PTPRN2: variants seen among roughly 807,000 people sequenced by gnomAD.
PTPRN2 encodes the protein protein tyrosine phosphatase receptor type N2.
Under a neutral mutation model 118.8 loss-of-function variants are expected in PTPRN2, and 74 were observed. That is an observed-to-expected ratio of 0.62 (90% CI 0.52 to 0.76). The LOEUF is 0.76. PTPRN2 is among the 30% of genes least tolerant of loss of function. The probability of loss-of-function intolerance (pLI) is 0.00; values close to 1 mark genes in which losing one functional copy is unlikely to be tolerated. For missense variants in PTPRN2, 1,481 were observed against 1,394.4 expected (o/e 1.06, Z -0.99); for synonymous variants, 641 against 608.0 (o/e 1.05, Z -0.80).
rs1052496961 is a variant in PTPRN2 at position 157,674,848 on chromosome 7, G to T, written c.2001+7877C>A. 1.3e-5 allele frequency among the ~76,000 whole-genome samples: 2 copies of T among 152,190 alleles called. No homozygotes were observed. Among genetic ancestry groups the T allele is most frequent in the Non-Finnish European group, 2.9e-5 (2 of 68,036 alleles). ...ACGCCGAGCTCCTCCTGCCGGGGGG[G>T]TCTGCACAGTTCTGGGTGGGGGAGG... is the stretch of plus-strand genomic sequence containing the variant. On this transcript the variant is annotated intron_variant, in intron 13 of 22. Transcript: ENST00000389418. This position sits in a 1 kb window ranked among gnomAD's most constrained non-coding sequence, Gnocchi z 4.5.
intron 12 of PTPRN2, chr7:157,863,340 A>G (rs901804655): frequency 2.0e-5 from 3 of 152,226 alleles, no homozygotes; most frequent in East Asian, 1.9e-4. Context: ...GGGCTGCCCA[A>G]TGCCCCAGTG....
intron 1 of PTPRN2, among the ~76,000 whole-genome samples, chr7:158,542,442 G>A (rs563680701): frequency 7.9e-5 from 12 of 152,290 alleles, no homozygotes; most frequent in African/African-American, 2.2e-4. Context: ...CGTGAGCCAC[G>A]GTGCCTGGCC....
At chr7:157,824,518 C>T (rs1263866869) in intron 12 of PTPRN2, among the ~76,000 whole-genome samples, 2 of 152,186 alleles carry the variant, frequency 1.3e-5, no homozygotes, top group Non-Finnish European at 2.9e-5. Context: ...CTCAGGGACT[C>T]TTTGCTGACT....
chr7:158,557,122 G>T (rs1176839604), intron 1 of PTPRN2, among the ~76,000 whole-genome samples: 3 of 133,108 alleles, frequency 2.3e-5, no homozygotes, highest in African/African-American at 8.7e-5. Flanking sequence ...GGTCGCTCCC[G>T]CGCAGGGCAG....
At chr7:157,867,552 C>T (rs1810784335) in intron 12 of PTPRN2, among the ~76,000 whole-genome samples, 1 of 147,158 alleles carries the variant, frequency 6.8e-6, no homozygotes, top group African/African-American at 2.5e-5. Flanking sequence ...GGATACACGG[C>T]CACCACCCTG....
At chr7:157,865,662 T>G (rs1810609946) in intron 12 of PTPRN2, 1 of 152,236 alleles carries the variant, frequency 6.6e-6, no homozygotes, top group Non-Finnish European at 1.5e-5. Context: ...AGTGGAGAGA[T>G]GAGTTCACAC....
At chr7:158,505,899 G>T (rs892272542) in intron 1 of PTPRN2, among the ~76,000 whole-genome samples, 46 of 152,244 alleles carry the variant, frequency 3.0e-4, no homozygotes, top group African/African-American at 1.1e-3. Flanking sequence ...CCAAGTGGTG[G>T]CTGTTAACAA....
chr7:158,157,003 C>A (rs1267925103), intron 6 of PTPRN2, among the ~76,000 whole-genome samples: 1 of 151,752 alleles, frequency 6.6e-6, no homozygotes, highest in Non-Finnish European at 1.5e-5. Flanking sequence ...CAGTGGAGAG[C>A]ACCCCTGTTC....
chr7:158,316,026 T>C (rs1802291665), intron 3 of PTPRN2, among the ~76,000 whole-genome samples: 2 of 152,118 alleles, frequency 1.3e-5, no homozygotes, highest in Admixed American at 1.3e-4. Context: ...TGGCCACCCT[T>C]GAGTCCCCAG....
chr7:158,310,907 G>A (rs914941281), intron 3 of PTPRN2, among the ~76,000 whole-genome samples: 1 of 152,172 alleles, frequency 6.6e-6, no homozygotes, highest in Non-Finnish European at 1.5e-5. Context: ...TGAGCACCAC[G>A]CGTGACTCCA....
chr7:158,050,840 C>G (rs1210261397), intron 11 of PTPRN2, among the ~76,000 whole-genome samples: 2 of 152,246 alleles, frequency 1.3e-5, no homozygotes, highest in Non-Finnish European at 2.9e-5. Flanking sequence ...CAAAGAGGCA[C>G]TGAAAGCTCA....
At chr7:158,252,827 A>G (rs575474775) in intron 3 of PTPRN2, among the ~76,000 whole-genome samples, 16 of 152,042 alleles carry the variant, frequency 1.1e-4, no homozygotes, top group Non-Finnish European at 1.2e-4. Context: ...CCTCCCCAAC[A>G]TGAGCCACCC....
intron 12 of PTPRN2, among the ~76,000 whole-genome samples, chr7:157,713,781 G>A (rs1027852914): frequency 6.6e-6 from 1 of 152,164 alleles, no homozygotes; most frequent in African/African-American, 2.4e-5. Flanking sequence ...CTACGGACAC[G>A]GAGCCACAGA....
Position 158,444,271 on chromosome 7 carries a change from G to A in PTPRN2, c.163+45464C>T, listed in dbSNP as rs116686211. Among the ~76,000 whole-genome samples, 740 of 152,380 alleles carry A rather than the reference G, an allele frequency of 4.9e-3. 3 individuals carry two copies. The highest frequency in any genetic ancestry group is 0.017 in the African/African-American group (713 of 41,592). On this transcript the variant is annotated intron_variant, in intron 2 of 22. Transcript: ENST00000389418. ...CCTGGAGAGGCCAGGCCACGCCAGTGCCATCACAGACTGTGCTCGGGAAGC... is the reference window on the plus strand; with the variant it reads ...CCTGGAGAGGCCAGGCCACGCCAGTACCATCACAGACTGTGCTCGGGAAGC...
At chr7:158,171,091 CATATATATATACACAT>C (rs1563554472) in intron 5 of PTPRN2, among the ~76,000 whole-genome samples, 1 of 130,618 alleles carries the variant, frequency 7.7e-6, no homozygotes, top group Non-Finnish European at 1.6e-5. Flanking sequence ...TATATACACA[CATATATATATACACAT>C]ATATATACAC....
chr7:158,447,149 C>G (rs116630262), intron 2 of PTPRN2, among the ~76,000 whole-genome samples: 156 of 152,288 alleles, frequency 1.0e-3, no homozygotes, highest in African/African-American at 3.7e-3. Flanking sequence ...CAAGCAAGGA[C>G]AGAGCCATGA....
At chr7:158,313,831 T>C (rs1443580502) in intron 3 of PTPRN2, among the ~76,000 whole-genome samples, 1 of 152,234 alleles carries the variant, frequency 6.6e-6, no homozygotes, top group South Asian at 2.1e-4. Flanking sequence ...GAAAAAGCTA[T>C]TGCTTTAAAA....
intron 5 of PTPRN2, among the ~76,000 whole-genome samples, chr7:158,169,376 G>A (rs544928372): frequency 6.6e-6 from 1 of 151,816 alleles, no homozygotes; most frequent in South Asian, 2.1e-4. Context: ...CCAAGTAGCT[G>A]GGACCACAGG....
intron 12 of PTPRN2, among the ~76,000 whole-genome samples, chr7:157,756,632 G>GCTGCT (rs1212115089): frequency 6.6e-6 from 1 of 152,082 alleles, no homozygotes; most frequent in Non-Finnish European, 1.5e-5. Flanking sequence ...CTGCGCCTGC[G>GCTGCT]CTGCTCTCAC....
Sources: allele counts gnomAD v4.1 joint callset (sites outside exome capture counted in the v4.1 genomes callset), GRCh38; gene constraint gnomAD v4.1.1; non-coding constraint Gnocchi (gnomAD v3.1); transcripts MANE v1.5; gene names NCBI Gene and HGNC (gene_info 2026-07-23, HGNC 2026-07-21).